The following DAP3 variants were observed in gnomAD, a reference collection of about 807,000 sequenced individuals.
The protein encoded by DAP3 is small ribosomal subunit protein mS29.
DAP3 carries 28 observed loss-of-function variants against 51.9 expected under a neutral mutation model. That is an observed-to-expected ratio of 0.54 (90% confidence interval 0.40 to 0.74). DAP3 has a LOEUF of 0.74. Among genes scored for constraint, DAP3 ranks in the 30% least tolerant of loss-of-function variants. The pLI is 0.00. For synonymous variants in DAP3, 170 were observed against 170.3 expected (o/e 1.00, Z 0.01); for missense variants, 458 against 483.5 (o/e 0.95, Z 0.49).
chr1:155,716,873 G>A (rs1055187714), intron 2 of DAP3, 133 bp from the exon 3 acceptor site: 11 of 1,256,588 alleles, frequency 8.8e-6, no homozygotes, highest in Non-Finnish European at 1.1e-5. Context: ...CTTGAACCTG[G>A]AAGGCGGAGG....
At chr1:155,718,248 T>A (rs1211308523) in intron 3 of DAP3, among the ~76,000 whole-genome samples, 1 of 152,086 alleles carries the variant, frequency 6.6e-6, no homozygotes, top group Non-Finnish European at 1.5e-5. Flanking sequence ...TAGCTGGGTG[T>A]GGTGGCGGGC....
chr1:155,736,620 T>C (rs949810116), intron 11 of DAP3: 4 of 295,078 alleles, frequency 1.4e-5, no homozygotes, highest in African/African-American at 2.2e-5. Context: ...TTTTACCACA[T>C]GGCCCAGGCT....
chr1:155,694,396 A>G, intron 1 of DAP3, among the ~76,000 whole-genome samples: 1 of 141,632 alleles, frequency 7.1e-6, no homozygotes, highest in Non-Finnish European at 1.5e-5. Context: ...CGTATGCCCA[A>G]TAGGTATAAT....
intron 2 of DAP3, among the ~76,000 whole-genome samples, chr1:155,715,214 A>G (rs1657190021): frequency 6.7e-6 from 1 of 150,310 alleles, no homozygotes; most frequent in Admixed American, 6.6e-5. Flanking sequence ...AAAAAAAAAA[A>G]AAAACCCACA....
chr1:155,729,357 T>TA lies in DAP3; in HGVS notation c.838dup (p.Ser280LysfsTer21). ...GAAGAACCACTCTGAAAAGAGAAGA[T>TA]AAAAGCCCGGTAGGAAAACTGGGTG... is the stretch of plus-strand genomic sequence containing the variant. On this transcript the variant is annotated frameshift_variant, in exon 9 of 13. Coordinates refer to ENST00000368336, the MANE Select transcript of DAP3 (RefSeq NM_004632.4). LOFTEE classifies it high-confidence loss of function. 6.2e-7 allele frequency: 1 copy of TA among 1,613,148 alleles called. No individual in the cohort carries two copies. The highest frequency in any genetic ancestry group is 8.5e-7 in the Non-Finnish European group (1 of 1,179,814).
intron 4 of DAP3, 137 bp from the exon 5 acceptor site, chr1:155,725,245 C>A: frequency 1.5e-6 from 1 of 674,654 alleles, no homozygotes; most frequent in Non-Finnish European, 2.6e-6. Flanking sequence ...CAGTACCAAC[C>A]CAGCTTCTCC....
At chr1:155,727,833 T>A in intron 7 of DAP3, 95 bp downstream of exon 7, 1 of 1,333,188 alleles carries the variant, frequency 7.5e-7, no homozygotes. Flanking sequence ...GATACTGGAG[T>A]TGGAATAACT....
At chr1:155,688,159 G>C (rs1256567255), upstream of DAP3, 1 of 1,613,966 alleles carries the variant, frequency 6.2e-7, no homozygotes, top group Non-Finnish European at 8.5e-7. Context: ...GGTCCACCGC[G>C]GATCCCTCCC....
Position 155,729,139 on chromosome 1 carries a change from T to C in DAP3, c.684+17T>C, listed in dbSNP as rs1658930800. ...GTTGAACAGGTATAAGAAAAAACAC[T>C]GAATGTGTAACATGCGATAACAAGA... On this transcript the variant is annotated intron_variant, in intron 8 of 12. Coordinates refer to ENST00000368336, the MANE Select transcript of DAP3 (RefSeq NM_004632.4). 3 of 1,614,084 alleles carry C rather than the reference T, an allele frequency of 1.9e-6. No individual in the cohort carries two copies. Among genetic ancestry groups the C allele is most frequent in the South Asian group, 1.1e-5 (1 of 91,088 alleles).
At chr1:155,737,698 G>A (rs962165959) in intron 12 of DAP3, among the ~76,000 whole-genome samples, 2 of 151,642 alleles carry the variant, frequency 1.3e-5, no homozygotes, top group Admixed American at 6.6e-5. Context: ...GGCAAGGTGG[G>A]AAGACCACTT....
chr1:155,710,526 G>T lies in DAP3; in HGVS notation c.45+702G>T, dbSNP rs139046223. ...ATTACAGGCGTGAGCCACTGTGCCC[G>T]GCCTTCAGTACCTTCTATATGGCAG... On this transcript the variant is annotated intron_variant, in intron 2 of 12. Transcript: ENST00000368336. The T allele has an allele frequency of 5.6e-3, 848 of 152,252 alleles. 4 individuals carry two copies. Among genetic ancestry groups the T allele is most frequent in the Non-Finnish European group, 8.2e-3 (557 of 68,044 alleles). 9.4% of individuals were successfully genotyped at this position (152,252 alleles called of 1,614,324 possible).
intron 1 of DAP3, among the ~76,000 whole-genome samples, chr1:155,706,585 G>A (rs1334127364): frequency 6.6e-6 from 1 of 151,924 alleles, no homozygotes; most frequent in African/African-American, 2.4e-5. Context: ...TGGCCAACAT[G>A]GTGAAACCCC....
chr1:155,690,423 G>A (rs766523733), intron 1 of DAP3, among the ~76,000 whole-genome samples: 1 of 141,078 alleles, frequency 7.1e-6, no homozygotes, highest in Non-Finnish European at 1.5e-5. Context: ...TGTGGCACAC[G>A]CTTGTAGTCT....
intron 3 of DAP3, among the ~76,000 whole-genome samples, chr1:155,720,324 C>CA (rs61252469): frequency 0.093 from 3,054 of 32,746 alleles, 413 homozygotes; most frequent in Admixed American, 0.13. Context: ...GATCTTGTCT[C>CA]AAAAAAAAAA....
chr1:155,702,141 A>T (rs1379709636), intron 1 of DAP3, among the ~76,000 whole-genome samples: 1 of 141,456 alleles, frequency 7.1e-6, no homozygotes, highest in Non-Finnish European at 1.5e-5. Flanking sequence ...AAAAAAATTG[A>T]TTCTGCCTAT....
chr1:155,738,428 T>C lies in DAP3; in HGVS notation c.*186T>C. 1 of 501,102 alleles carries C rather than the reference T, an allele frequency of 2.0e-6. No individual in the cohort carries two copies. Among genetic ancestry groups the C allele is most frequent in the South Asian group, 3.7e-5 (1 of 27,172 alleles). 31.0% of individuals were successfully genotyped at this position (501,102 alleles called of 1,614,324 possible). On this transcript the variant is annotated 3_prime_UTR_variant, in exon 13 of 13. Transcript: ENST00000368336. The stretch of plus-strand genomic sequence containing the variant: ...TCACTGTGAATGCGTGACAATAAGA[T>C]ATTCCCTTGTTCCTAAAACTTTATA...
At chr1:155,727,020 AGTTTTGTTTTGTTTT>A (rs370336676) in intron 6 of DAP3, 1 of 152,102 alleles carries the variant, frequency 6.6e-6, no homozygotes, top group Admixed American at 6.6e-5. Flanking sequence ...GTCGCCATGG[AGTTTTGTTTTGTTTT>A]GTTTTGTTTT....
intron 1 of DAP3, among the ~76,000 whole-genome samples, chr1:155,700,514 TG>T (rs201056620): frequency 0.49 from 72,770 of 149,670 alleles, 22,206 homozygotes; most frequent in African/African-American, 0.87. Context: ...TTGAGGGAGG[TG>T]GGGGGGGCGG....
chr1:155,708,540 G>GT (rs151238139), intron 1 of DAP3, among the ~76,000 whole-genome samples: 1,497 of 103,272 alleles, frequency 0.014, 51 homozygotes, highest in African/African-American at 0.028. Context: ...TTCTGTTTTT[G>GT]TTTTTTTTTT....
Sources: allele counts gnomAD v4.1 joint callset (sites outside exome capture counted in the v4.1 genomes callset), GRCh38; gene constraint gnomAD v4.1.1; transcripts MANE v1.5; gene names NCBI Gene and HGNC (gene_info 2026-07-23, HGNC 2026-07-21).